NBPF12: variants seen among roughly 807,000 people sequenced by gnomAD.
NBPF12 encodes NBPF family member NBPF12.
A neutral mutation model predicts 146.4 loss-of-function variants in NBPF12; 115 were observed. The observed-to-expected ratio is 0.79, with a 90% confidence interval of 0.68 to 0.92. The LOEUF is 0.92. Ranked by LOEUF, NBPF12 falls within the 40% of genes least tolerant of loss-of-function variation. The probability of loss-of-function intolerance (pLI) is 0.00; values close to 1 mark genes in which losing one functional copy is unlikely to be tolerated. For missense variants in NBPF12, 1,205 were observed against 1,326.8 expected (o/e 0.91, Z 1.43); for synonymous variants, 385 against 508.9 (o/e 0.76, Z 3.28).
intron 1 of NBPF12, among the ~76,000 whole-genome samples, chr1:146,940,896 C>G (rs1337587395): frequency 6.6e-6 from 1 of 151,782 alleles, no homozygotes; most frequent in South Asian, 2.1e-4. Context: ...ATTTATATGT[C>G]CTCTTTCATG....
chr1:146,994,292 C>A (rs71618978), intron 33 of NBPF12, 40 bp from the exon 37 acceptor site: 2 of 1,609,454 alleles, frequency 1.2e-6, no homozygotes, highest in South Asian at 1.1e-5. Context: ...TGGTGTCTGA[C>A]TTTCCCTGGC....
upstream of NBPF12, among the ~76,000 whole-genome samples, chr1:146,945,459 A>G (rs1304511069): frequency 6.6e-6 from 1 of 151,822 alleles, no homozygotes; most frequent in Non-Finnish European, 1.5e-5. Context: ...CTGATCTGCT[A>G]GCTGTGTTCC....
exon 5 of NBPF12, chr1:146,962,197 T>C: frequency 6.2e-7 from 1 of 1,608,738 alleles, no homozygotes; most frequent in South Asian, 1.1e-5. Flanking sequence ...AAATTTATGC[T>C]GAGGAATGAG....
intron 19 of NBPF12, among the ~76,000 whole-genome samples, chr1:146,982,188 GT>G (rs1457484326): frequency 7.5e-6 from 1 of 132,800 alleles, no homozygotes; most frequent in African/African-American, 3.0e-5. Flanking sequence ...CACCTTTGTG[GT>G]TTTATCTACC....
intron 9 of NBPF12, 146 bp downstream of exon 12, chr1:146,966,819 A>C: frequency 1.5e-6 from 1 of 664,922 alleles, no homozygotes; most frequent in Non-Finnish European, 2.7e-6. Flanking sequence ...CATTTTGTTA[A>C]AGTTGGAAGA....
At chr1:146,969,827 C>T (rs1403054768) in intron 11 of NBPF12, among the ~76,000 whole-genome samples, 4 of 151,068 alleles carry the variant, frequency 2.6e-5, no homozygotes, top group African/African-American at 4.9e-5. Context: ...GTCTTTGGAG[C>T]AAGAGGCAGC....
exon 34 of NBPF12, chr1:146,994,956 C>A (rs1163021328): frequency 1.2e-5 from 4 of 330,396 alleles, no homozygotes; most frequent in Admixed American, 8.9e-5. Flanking sequence ...AGGTGTTACC[C>A]TGGTTTCAAT....
intron 11 of NBPF12, 117 bp downstream of exon 14, chr1:146,969,713 G>C: frequency 1.3e-6 from 2 of 1,563,558 alleles, no homozygotes; most frequent in Non-Finnish European, 1.8e-6. Context: ...ACACATGTGT[G>C]GCCATGACAT....
At chr1:146,956,194 C>A (rs1225382975) in intron 2 of NBPF12, among the ~76,000 whole-genome samples, 7 of 151,586 alleles carry the variant, frequency 4.6e-5, no homozygotes, top group Admixed American at 4.6e-4. Flanking sequence ...GAATACTACT[C>A]AGTCTTTACA....
chr1:146,994,845 G>C (rs1477079136), exon 34 of NBPF12: 3 of 627,024 alleles, frequency 4.8e-6, no homozygotes, highest in East Asian at 3.5e-5. Context: ...ATGTATCTCT[G>C]GGTAGCTACA....
chr1:146,986,031 T>C (rs1316340073), intron 23 of NBPF12, among the ~76,000 whole-genome samples: 2 of 152,008 alleles, frequency 1.3e-5, no homozygotes, highest in African/African-American at 4.8e-5. Flanking sequence ...TTGAGCCCAC[T>C]GTTTTCATGA....
intron 11 of NBPF12, 27 bp from the exon 15 acceptor site, chr1:146,970,620 A>T: frequency 6.4e-7 from 1 of 1,567,500 alleles, no homozygotes; most frequent in Non-Finnish European, 8.8e-7. Context: ...AGTGGAAAAT[A>T]TCTGAACGAA....
Position 146,970,724 on chromosome 1 carries a change from C to T in NBPF12, c.1379+5C>T. 3 of 1,348,478 alleles carry T rather than the reference C, an allele frequency of 2.2e-6. No homozygotes were observed. Among genetic ancestry groups the T allele is most frequent in the Non-Finnish European group, 2.1e-6 (2 of 940,624 alleles). 83.5% of individuals were successfully genotyped at this position (1,348,478 alleles called of 1,614,324 possible). A position where few individuals can be genotyped will look rare whatever the true frequency, so the allele number is the denominator to read the frequency against. On this transcript the variant is annotated splice_donor_5th_base_variant and intron_variant, in intron 12 of 33. Coordinates refer to ENST00000617844, the Ensembl canonical transcript of NBPF12. ...GCTGGAATCATCTTCCCCCAGGTGA[C>T]ACTGAATACTCAGGAGCAAGTAATG...
intron 18 of NBPF12, among the ~76,000 whole-genome samples, chr1:146,978,255 C>T (rs1226590709): frequency 5.6e-5 from 7 of 125,540 alleles, no homozygotes; most frequent in African/African-American, 1.5e-4. Flanking sequence ...TTTGTAGCGT[C>T]GTAGATTTTT....
intron 15 of NBPF12, among the ~76,000 whole-genome samples, chr1:146,975,409 G>A (rs1479936304): frequency 8.0e-5 from 12 of 149,728 alleles, no homozygotes; most frequent in African/African-American, 7.6e-5. Context: ...TTTTTGAAAC[G>A]GAATTAGGAA....
Position 146,950,129 on chromosome 1 carries a change from C to T in NBPF12, c.-326+707C>T, listed in dbSNP as rs1219508926. On this transcript the variant is annotated intron_variant, in intron 1 of 33. Coordinates refer to ENST00000617844, the Ensembl canonical transcript of NBPF12. ...TCTACCACAGTAGGACACGCACATT[C>T]CCCCATCTGCAAAGTGCATTTACCC... Among the ~76,000 whole-genome samples the T allele has an allele frequency of 6.2e-4, 95 of 152,144 alleles. 2 individuals carry two copies. Among genetic ancestry groups the T allele is most frequent in the African/African-American group, 2.2e-3 (93 of 41,442 alleles).
intron 4 of NBPF12, among the ~76,000 whole-genome samples, chr1:146,961,319 C>G (rs1361530171): frequency 1.3e-5 from 2 of 151,558 alleles, no homozygotes; most frequent in Non-Finnish European, 2.9e-5. Flanking sequence ...CAGGGACCCT[C>G]AGCCTGTCTC....
exon 34 of NBPF12, chr1:146,994,449 A>T (rs781926413): frequency 5.3e-5 from 85 of 1,611,800 alleles, no homozygotes; most frequent in Non-Finnish European, 6.9e-5. Flanking sequence ...AGCACTACAG[A>T]AGTGTGTTTT....
intron 19 of NBPF12, 30 bp from the exon 23 acceptor site, chr1:146,982,898 C>T (rs1657483601): frequency 6.3e-7 from 1 of 1,597,216 alleles, no homozygotes; most frequent in South Asian, 1.1e-5. Context: ...GTTAAATCTT[C>T]TATCATCCCT....
Sources: gnomAD v4.1 joint callset for allele counts (sites outside exome capture counted in the v4.1 genomes callset) on GRCh38, gnomAD v4.1.1 for gene constraint, MANE v1.5 for transcripts, NCBI Gene and HGNC (gene_info 2026-07-23, HGNC 2026-07-21) for gene names.